ANXA4: variants seen among roughly 807,000 people sequenced by gnomAD.
The protein encoded by ANXA4 is 35-beta calcimedin.
In ANXA4, 39 loss-of-function variants were observed where a neutral mutation model predicts 49.8. The ratio of observed to expected loss-of-function variants is 0.78; its 90% CI spans 0.61 to 1.02. ANXA4 has a LOEUF of 1.02. Ranked by LOEUF, ANXA4 falls within the 50% of genes least tolerant of loss-of-function variation. The pLI is 0.00. For missense variants in ANXA4, 360 were observed against 410.1 expected, an observed-to-expected ratio of 0.88 and a Z score of 1.05; for synonymous variants, 134 against 152.5, an observed-to-expected ratio of 0.88 and a Z score of 0.89.
chr2:69,706,867 C>A (rs766060622), intron 2 of ANXA4, among the ~76,000 whole-genome samples: 6 of 152,146 alleles, frequency 3.9e-5, no homozygotes, highest in Non-Finnish European at 7.3e-5. Flanking sequence ...TATGGATAGA[C>A]CACATAGAAA....
At chr2:69,656,630 G>GCAA (rs1676509274) in intron 2 of ANXA4, among the ~76,000 whole-genome samples, 1 of 138,368 alleles carries the variant, frequency 7.2e-6, no homozygotes, top group South Asian at 2.2e-4. Context: ...TCCGCTCACT[G>GCAA]CAACCTCCAC....
chr2:69,696,361 C>A (rs4852304), intron 2 of ANXA4, among the ~76,000 whole-genome samples: 20,983 of 152,198 alleles, frequency 0.14, 2,060 homozygotes, highest in East Asian at 0.37. Context: ...GAGATTGCAG[C>A]AATTCAGTCA....
intron 2 of ANXA4, among the ~76,000 whole-genome samples, chr2:69,656,241 GTATATATATGTATATACGTA>G (rs1354992335): frequency 9.1e-6 from 1 of 109,992 alleles, no homozygotes; most frequent in African/African-American, 3.2e-5. Flanking sequence ...ATATATATAC[GTATATATATGTATATACGTA>G]TATATATGTA....
intron 2 of ANXA4, among the ~76,000 whole-genome samples, chr2:69,690,311 T>C (rs905884208): frequency 6.6e-6 from 1 of 152,200 alleles, no homozygotes; most frequent in African/African-American, 2.4e-5. Context: ...CTATCTCGAC[T>C]CACTGCAGCC....
intron 1 of ANXA4, among the ~76,000 whole-genome samples, chr2:69,765,266 A>G (rs1214994499): frequency 1.3e-5 from 2 of 152,166 alleles, no homozygotes; most frequent in Non-Finnish European, 2.9e-5. Context: ...GTTGGACCAT[A>G]TGGTAATTCT....
At chr2:69,734,024 T>C (rs1441839152) in intron 3 of ANXA4, among the ~76,000 whole-genome samples, 2 of 152,188 alleles carry the variant, frequency 1.3e-5, no homozygotes, top group African/African-American at 4.8e-5. Context: ...CCTGTCTATT[T>C]TGATGCTCTT....
upstream of ANXA4, among the ~76,000 whole-genome samples, chr2:69,737,622 G>A (rs568010835): frequency 1.3e-5 from 2 of 152,112 alleles, no homozygotes; most frequent in African/African-American, 4.8e-5. Context: ...TATTGAGATA[G>A]TGTCTCGCTA....
chr2:69,783,904 A>G (rs1013673392), intron 2 of ANXA4, among the ~76,000 whole-genome samples: 1 of 152,274 alleles, frequency 6.6e-6, no homozygotes, highest in African/African-American at 2.4e-5. Flanking sequence ...TGGGCATTAT[A>G]TTCTTTTGCA....
intron 1 of ANXA4, among the ~76,000 whole-genome samples, chr2:69,760,839 A>G (rs1458944386): frequency 1.3e-5 from 2 of 152,278 alleles, no homozygotes; most frequent in Middle Eastern, 3.4e-3. Context: ...ATCAAATAAG[A>G]TAAAATATGT....
chr2:69,700,786 A>C (rs1023671691), intron 2 of ANXA4, among the ~76,000 whole-genome samples: 3 of 152,228 alleles, frequency 2.0e-5, no homozygotes, highest in African/African-American at 7.2e-5. Flanking sequence ...ATAGAAATGA[A>C]CATACTTGGC....
chr2:69,716,498 ACGGG>A (rs1015039735), intron 2 of ANXA4, among the ~76,000 whole-genome samples: 5 of 152,218 alleles, frequency 3.3e-5, no homozygotes, highest in Admixed American at 6.5e-5. Context: ...GGTTGGAGAG[ACGGG>A]CGAGAGCCAC....
rs72905028 is a variant in ANXA4 at position 69,777,756 on chromosome 2, G to A, written c.-46-3764G>A. Among the ~76,000 whole-genome samples, 1,022 of 152,306 alleles carry A rather than the reference G, an allele frequency of 6.7e-3. 13 individuals carry two copies. Among genetic ancestry groups the A allele is most frequent in the African/African-American group, 0.023 (974 of 41,562 alleles). On this transcript the variant is annotated intron_variant, in intron 1 of 12. Transcript: ENST00000394295. ...TCTCCTTCAGAATTTTGAACGGCTAGCCCCTTCCCTTCATTCAGGTCTTAG... is the reference window on the plus strand; with the variant it reads ...TCTCCTTCAGAATTTTGAACGGCTAACCCCTTCCCTTCATTCAGGTCTTAG...
At chr2:69,643,993 T>G (rs1573041720), upstream of ANXA4, 1 of 680,940 alleles carries the variant, frequency 1.5e-6, no homozygotes, top group Non-Finnish European at 1.9e-6. Context: ...CTGGGAAAGG[T>G]AGCTCGGCAC....
intron 1 of ANXA4, among the ~76,000 whole-genome samples, chr2:69,649,177 C>T (rs1460475898): frequency 3.3e-5 from 5 of 151,854 alleles, no homozygotes; most frequent in East Asian, 3.9e-4. Context: ...TGAGCCACCG[C>T]GCCCAGCCTA....
intron 5 of ANXA4, 41 bp downstream of exon 5, chr2:69,806,539 A>C (rs992070319): frequency 1.3e-6 from 2 of 1,514,364 alleles, no homozygotes; most frequent in East Asian, 2.3e-5. Flanking sequence ...CTGTTGGTGC[A>C]AACGCTGATG....
At chr2:69,743,843 A>G (rs897847212) in intron 1 of ANXA4, among the ~76,000 whole-genome samples, 2 of 152,192 alleles carry the variant, frequency 1.3e-5, no homozygotes, top group Non-Finnish European at 2.9e-5. Context: ...CAAGCAATTT[A>G]GAGAGTAACC....
chr2:69,694,692 A>G (rs1439701316), intron 2 of ANXA4, among the ~76,000 whole-genome samples: 1 of 151,692 alleles, frequency 6.6e-6, no homozygotes, highest in Non-Finnish European at 1.5e-5. Flanking sequence ...ATACATTTCT[A>G]TGGTTTATAA....
intron 2 of ANXA4, among the ~76,000 whole-genome samples, chr2:69,692,085 A>T (rs962959506): frequency 6.6e-6 from 1 of 152,098 alleles, no homozygotes; most frequent in Non-Finnish European, 1.5e-5. Context: ...GGGTTTCACC[A>T]TGTTGTCCAG....
At chr2:69,749,132 C>T (rs1182724448) in intron 1 of ANXA4, among the ~76,000 whole-genome samples, 1 of 152,154 alleles carries the variant, frequency 6.6e-6, no homozygotes, top group African/African-American at 2.4e-5. Flanking sequence ...GGGACAGAGC[C>T]TCTTGGGCCC....
Sources: allele counts gnomAD v4.1 joint callset (sites outside exome capture counted in the v4.1 genomes callset), GRCh38; gene constraint gnomAD v4.1.1; transcripts MANE v1.5; gene names NCBI Gene and HGNC (gene_info 2026-07-23, HGNC 2026-07-21).